Variants in TGFBR3 observed in about 807,000 individuals in gnomAD.
The protein encoded by TGFBR3 is transforming growth factor beta receptor 3.
A neutral mutation model predicts 87.9 loss-of-function variants in TGFBR3; 46 were observed. The observed-to-expected ratio is 0.52, with a 90% CI of 0.41 to 0.67. The LOEUF is 0.67. Among genes scored for constraint, TGFBR3 ranks in the 30% least tolerant of loss-of-function variants. TGFBR3 has a pLI of 0.00. For missense variants in TGFBR3, 866 were observed against 1,041.9 expected (o/e 0.83, Z 2.32); for synonymous variants, 381 against 391.6 (o/e 0.97, Z 0.32).
chr1:91,816,472 C>A (rs1228376534), intron 2 of TGFBR3, among the ~76,000 whole-genome samples: 1 of 152,196 alleles, frequency 6.6e-6, no homozygotes, highest in Non-Finnish European at 1.5e-5. Context: ...TAAGCAAATA[C>A]ATACTAAGTT....
intron 2 of TGFBR3, among the ~76,000 whole-genome samples, chr1:91,845,630 A>G (rs1165489211): frequency 6.6e-6 from 1 of 152,232 alleles, no homozygotes; most frequent in Non-Finnish European, 1.5e-5. Context: ...ATGTAGCAAA[A>G]TAATGCAAAC....
At position 91,708,785 on chromosome 1, in the gene TGFBR3, T is replaced by C; in HGVS notation, c.2167-2A>G. The C allele has an allele frequency of 2.5e-6, 4 of 1,613,790 alleles. No individual in the cohort carries two copies. The highest frequency in any genetic ancestry group is 3.4e-6 in the Non-Finnish European group (4 of 1,179,940). On this transcript the variant is annotated splice_acceptor_variant, in intron 13 of 16. Transcript: ENST00000212355. LOFTEE classifies it high-confidence loss of function. Reference sequence around the variant, plus strand: ...GCAGGCTTCGTCAGGAGGCACACACTGCAGACAGGCAGAACAAAGCACAGA... The same window carrying C: ...GCAGGCTTCGTCAGGAGGCACACACCGCAGACAGGCAGAACAAAGCACAGA...
chr1:91,809,777 T>C (rs1294954749), intron 2 of TGFBR3, among the ~76,000 whole-genome samples: 3 of 152,180 alleles, frequency 2.0e-5, no homozygotes, highest in Non-Finnish European at 4.4e-5. Context: ...TCCTTCCTCT[T>C]CAGGCTAGCT....
At chr1:91,720,366 C>T in intron 8 of TGFBR3, 136 bp from the exon 9 acceptor site, 1 of 865,996 alleles carries the variant, frequency 1.2e-6, no homozygotes, top group Non-Finnish European at 1.9e-6. Flanking sequence ...GCATAAAGGT[C>T]ATTAGAAGTC....
At chr1:91,723,803 A>G (rs369410768) in intron 7 of TGFBR3, among the ~76,000 whole-genome samples, 20 of 152,244 alleles carry the variant, frequency 1.3e-4, no homozygotes, top group African/African-American at 4.8e-4. Context: ...AATCACTTTA[A>G]TTTCCATGCC....
intron 4 of TGFBR3, among the ~76,000 whole-genome samples, chr1:91,755,656 T>C (rs1258583941): frequency 2.6e-5 from 4 of 152,218 alleles, no homozygotes; most frequent in Non-Finnish European, 5.9e-5. Context: ...TCTTTCATTG[T>C]TAGTGTCTAA....
chr1:91,703,254 A>T (rs1308449866), intron 14 of TGFBR3, among the ~76,000 whole-genome samples: 1 of 152,068 alleles, frequency 6.6e-6, no homozygotes, highest in Non-Finnish European at 1.5e-5. Context: ...GAAAGATCAA[A>T]TGTGTTCCAA....
intron 2 of TGFBR3, among the ~76,000 whole-genome samples, chr1:91,823,637 C>G (rs1367398864): frequency 1.3e-5 from 2 of 152,166 alleles, no homozygotes; most frequent in Non-Finnish European, 2.9e-5. Context: ...AGCACATGAA[C>G]TTCTAGAACA....
At chr1:91,776,218 CG>C (rs2100948106) in intron 3 of TGFBR3, among the ~76,000 whole-genome samples, 1 of 152,300 alleles carries the variant, frequency 6.6e-6, no homozygotes, top group African/African-American at 2.4e-5. Flanking sequence ...TAAATGGGAG[CG>C]GGAGCAAGGG....
upstream of TGFBR3, among the ~76,000 whole-genome samples, chr1:91,887,236 CTTTTT>C (rs71087977): frequency 8.2e-4 from 34 of 41,412 alleles, no homozygotes; most frequent in Admixed American, 2.2e-3. Context: ...GGACCTATGC[CTTTTT>C]TTTTTTTTTT....
chr1:91,876,073 T>C (rs1156951863), intron 1 of TGFBR3, among the ~76,000 whole-genome samples: 1 of 151,960 alleles, frequency 6.6e-6, no homozygotes, highest in South Asian at 2.1e-4. Context: ...CACTCCGTAC[T>C]TCACACCTCT....
At chr1:91,817,140 C>T (rs1023729936) in intron 2 of TGFBR3, among the ~76,000 whole-genome samples, 3 of 152,160 alleles carry the variant, frequency 2.0e-5, no homozygotes, top group African/African-American at 7.2e-5. Context: ...GCTTTGAATT[C>T]ACCTCCAGCC....
intron 7 of TGFBR3, among the ~76,000 whole-genome samples, chr1:91,722,956 G>A (rs540416772): frequency 6.6e-6 from 1 of 152,326 alleles, no homozygotes; most frequent in African/African-American, 2.4e-5. Context: ...CTGTACTTCA[G>A]TGTGGAGACT....
chr1:91,896,430 A>G (rs1679552930), intron 2 of TGFBR3, among the ~76,000 whole-genome samples: 1 of 152,160 alleles, frequency 6.6e-6, no homozygotes, highest in Non-Finnish European at 1.5e-5. Flanking sequence ...GCAGCTCAGG[A>G]CTTGGGAGTC....
chr1:91,812,024 C>T (rs1676048437), intron 2 of TGFBR3, among the ~76,000 whole-genome samples: 1 of 152,114 alleles, frequency 6.6e-6, no homozygotes, highest in Non-Finnish European at 1.5e-5. Flanking sequence ...CTCTTTTCCT[C>T]CCAAGCAAAC....
At chr1:91,799,676 G>T (rs1027163160) in intron 2 of TGFBR3, among the ~76,000 whole-genome samples, 1 of 152,118 alleles carries the variant, frequency 6.6e-6, no homozygotes, top group East Asian at 1.9e-4. Flanking sequence ...TTCCATTCTT[G>T]TATGTGTGCA....
At chr1:91,819,362 C>T (rs1676364248) in intron 2 of TGFBR3, among the ~76,000 whole-genome samples, 2 of 141,302 alleles carry the variant, frequency 1.4e-5, no homozygotes, top group Admixed American at 1.5e-4. Flanking sequence ...AGCAAGACTC[C>T]GTCTGGGAAA....
chr1:91,883,373 T>C (rs1170540705), intron 1 of TGFBR3, among the ~76,000 whole-genome samples: 2 of 152,214 alleles, frequency 1.3e-5, no homozygotes, highest in East Asian at 1.9e-4. Flanking sequence ...CCAGCCACCA[T>C]GGAGTTCTTG....
rs33915205 is a variant in TGFBR3 at position 91,833,295 on chromosome 1, C to CAAAA, written c.61+28172_61+28175dup. The stretch of plus-strand genomic sequence containing the variant: ...CAGGCGACAGTAGGAGACTCCGACT[C>CAAAA]AAAAAAAAAAAAAAAAAAAAACAGG... On this transcript the variant is annotated intron_variant, in intron 2 of 16. Coordinates refer to ENST00000212355, the MANE Select transcript of TGFBR3 (RefSeq NM_003243.5). 3.1e-4 allele frequency among the ~76,000 whole-genome samples: 10 copies of CAAAA among 32,036 alleles called. 1 individual carries two copies. Among genetic ancestry groups the CAAAA allele is most frequent in the East Asian group, 9.2e-4 (1 of 1,092 alleles). The allele number at this position is 32,036 out of a possible 152,430, so 21.0% of individuals were successfully genotyped here.
Sources: allele counts gnomAD v4.1 joint callset (sites outside exome capture counted in the v4.1 genomes callset), GRCh38; gene constraint gnomAD v4.1.1; transcripts MANE v1.5; gene names NCBI Gene and HGNC (gene_info 2026-07-23, HGNC 2026-07-21).